DRICH1: variants seen among roughly 807,000 people sequenced by gnomAD.
DRICH1 encodes aspartate rich 1, also known as aspartate-rich protein 1.
Under a neutral mutation model 39.5 loss-of-function variants are expected in DRICH1, and 38 were observed. That is an observed-to-expected ratio of 0.96 (90% CI 0.74 to 1.26). The LOEUF (loss-of-function observed/expected upper bound fraction) is 1.26. DRICH1 is among the 50% of genes most tolerant of loss of function. DRICH1 has a pLI of 0.00. For synonymous variants in DRICH1, 84 were observed against 99.5 expected, an observed-to-expected ratio of 0.84 and a Z score of 0.93; for missense variants, 279 against 270.4, an observed-to-expected ratio of 1.03 and a Z score of -0.22.
rs751263148 is a variant in DRICH1, at chr22:23,631,824, A to T, written c.200T>A (p.Met67Lys). The stretch of plus-strand genomic sequence containing the variant: ...ACCCGTGGCTTTTTTACCTGTGGGC[A>T]TCTTTTGGTTGCTGATGTGCTGCAG... The part of the protein sequence containing the change: ...QDLQHISNQK[M>K]PTGPPEDRLS... Residue 67 changes from methionine (M) to lysine (K), a missense_variant, in exon 1 of 12, where the codon ATG becomes AAG. Physicochemically the swap from Met to Lys is moderately conservative, Grantham distance 95 (BLOSUM62 -1). Coordinates refer to ENST00000317749, the MANE Select transcript of DRICH1 (RefSeq NM_016449.4). 15 of 1,612,068 alleles carry T rather than the reference A, an allele frequency of 9.3e-6. No homozygotes were observed. The highest frequency in any genetic ancestry group is 1.2e-5 in the Non-Finnish European group (14 of 1,179,920).
At chr22:23,597,486 G>T in the DRICH1 span, among the ~76,000 whole-genome samples, 1 of 108,202 alleles carries the variant, frequency 9.2e-6, no homozygotes, top group Non-Finnish European at 1.9e-5. Context: ...CTGGGTGACA[G>T]AAGGAGACCC....
At chr22:23,587,209 T>C in the DRICH1 span, among the ~76,000 whole-genome samples, 1 of 152,104 alleles carries the variant, frequency 6.6e-6, no homozygotes, top group Non-Finnish European at 1.5e-5. Flanking sequence ...GCTTCCAGGG[T>C]ACATGTGCAA....
At chr22:23,605,198 G>T (rs570813837), downstream of DRICH1, among the ~76,000 whole-genome samples, 1 of 152,286 alleles carries the variant, frequency 6.6e-6, no homozygotes, top group Non-Finnish European at 1.5e-5. Flanking sequence ...GACCCAGAAG[G>T]TTGTAAATGA....
At chr22:23,582,850 C>T in the DRICH1 span, among the ~76,000 whole-genome samples, 2 of 138,180 alleles carry the variant, frequency 1.4e-5, no homozygotes, top group African/African-American at 2.8e-5. Flanking sequence ...CGTGAGCCAT[C>T]GTGCCCGGCC....
the DRICH1 span, among the ~76,000 whole-genome samples, chr22:23,586,875 C>A: frequency 6.6e-6 from 1 of 152,142 alleles, no homozygotes; most frequent in Non-Finnish European, 1.5e-5. Flanking sequence ...ATAAAATAGC[C>A]CTATTTATTC....
the DRICH1 span, among the ~76,000 whole-genome samples, chr22:23,600,536 C>T: frequency 5.8e-4 from 88 of 152,336 alleles, no homozygotes; most frequent in Non-Finnish European, 9.7e-4. Flanking sequence ...GGTCTGGGCA[C>T]AGGGCCTGGG....
At chr22:23,603,006 C>CTTT in the DRICH1 span, among the ~76,000 whole-genome samples, 6 of 130,024 alleles carry the variant, frequency 4.6e-5, no homozygotes, top group Admixed American at 7.8e-5. Flanking sequence ...AACACATTTA[C>CTTT]TTTTTTTTTT....
chr22:23,620,788 T>C (rs78093839), intron 4 of DRICH1, among the ~76,000 whole-genome samples, 173 bp from the exon 5 acceptor site: 1 of 82,606 alleles, frequency 1.2e-5, no homozygotes, highest in African/African-American at 4.7e-5. Context: ...AAGACAAGAG[T>C]TTTCCCACAG....
intron 1 of DRICH1, among the ~76,000 whole-genome samples, chr22:23,631,410 C>T (rs1276122269): frequency 6.9e-6 from 1 of 145,612 alleles, no homozygotes; most frequent in Non-Finnish European, 1.5e-5. Flanking sequence ...AGCAAGACTC[C>T]ATCTAAAATA....
At chr22:23,594,348 C>A in the DRICH1 span, among the ~76,000 whole-genome samples, 3 of 152,200 alleles carry the variant, frequency 2.0e-5, no homozygotes, top group Non-Finnish European at 4.4e-5. Context: ...GGAGGTGGAT[C>A]ACCTGAGATC....
chr22:23,613,226 G>A (rs755180774), intron 11 of DRICH1, 63 bp downstream of exon 11: 92 of 1,256,406 alleles, frequency 7.3e-5, no homozygotes, highest in Non-Finnish European at 1.1e-4. Context: ...AAGCAACAGG[G>A]ATAACCTGGA....
intron 2 of DRICH1, 52 bp from the exon 3 acceptor site, chr22:23,624,956 C>A (rs1466016098): frequency 2.5e-6 from 4 of 1,584,438 alleles, no homozygotes; most frequent in Admixed American, 3.4e-5. Flanking sequence ...TTCTGCTGCA[C>A]CCCCTACACA....
intron 5 of DRICH1, among the ~76,000 whole-genome samples, 187 bp downstream of exon 5, chr22:23,620,407 A>G (rs1168357369): frequency 5.9e-5 from 9 of 152,040 alleles, no homozygotes; most frequent in Non-Finnish European, 5.9e-5. Flanking sequence ...GGCTCACACA[A>G]AATCTCCTGC....
chr22:23,619,395 T>G lies in DRICH1; in HGVS notation c.407-2A>C. 1.3e-6 allele frequency: 1 copy of G among 780,514 alleles called. No individual in the cohort carries two copies. Among genetic ancestry groups the G allele is most frequent in the East Asian group, 2.4e-5 (1 of 41,200 alleles). The allele number at this position is 780,514 out of a possible 1,614,324, so 48.3% of individuals were successfully genotyped here. ...TGCTATCAAACCGGTAACAGCCACC[T>G]GCGGAGAAATGGAAAAGTTAATCTA... On this transcript the variant is annotated splice_acceptor_variant, in intron 5 of 11. Transcript: ENST00000317749. LOFTEE classifies it high-confidence loss of function.
the DRICH1 span, among the ~76,000 whole-genome samples, chr22:23,596,225 C>T: frequency 2.6e-5 from 4 of 152,272 alleles, no homozygotes; most frequent in African/African-American, 9.6e-5. Context: ...CCAGTTCTCC[C>T]CGGGTCCAAC....
chr22:23,618,239 G>A (rs1927490430), intron 6 of DRICH1, among the ~76,000 whole-genome samples: 1 of 149,238 alleles, frequency 6.7e-6, no homozygotes, highest in African/African-American at 2.5e-5. Context: ...TCAGCTTCCC[G>A]AGTAGCTGGG....
chr22:23,628,348 C>T (rs1569097161), intron 1 of DRICH1, among the ~76,000 whole-genome samples: 1 of 152,226 alleles, frequency 6.6e-6, no homozygotes, highest in African/African-American at 2.4e-5. Flanking sequence ...GGGTGGATCA[C>T]TTGATGTCAG....
intron 7 of DRICH1, 98 bp from the exon 8 acceptor site, chr22:23,616,972 T>C (rs1357381304): frequency 1.9e-5 from 27 of 1,414,218 alleles, no homozygotes; most frequent in South Asian, 2.3e-5. Context: ...ACAAAACTAT[T>C]TGTAAGACAG....
chr22:23,601,526 C>A, the DRICH1 span, among the ~76,000 whole-genome samples: 1 of 152,082 alleles, frequency 6.6e-6, no homozygotes, highest in African/African-American at 2.4e-5. Context: ...AAGTGGAGAC[C>A]AAATTAATAG....
Sources: gnomAD v4.1 joint callset for allele counts (sites outside exome capture counted in the v4.1 genomes callset) on GRCh38, gnomAD v4.1.1 for gene constraint, MANE v1.5 for transcripts, NCBI Gene and HGNC (gene_info 2026-07-23, HGNC 2026-07-21) for gene names.